Variants in ELP1 observed in about 807,000 individuals in gnomAD.
The protein encoded by ELP1 is elongator acetyltransferase complex subunit 1.
In ELP1, 131 loss-of-function variants were observed where a neutral mutation model predicts 183.2. The observed-to-expected ratio is 0.72, with a 90% CI of 0.62 to 0.83. ELP1 has a LOEUF of 0.83. Among genes scored for constraint, ELP1 ranks in the 40% least tolerant of loss-of-function variants. The probability of loss-of-function intolerance (pLI) is 0.00; values close to 1 mark genes in which losing one functional copy is unlikely to be tolerated. For synonymous variants in ELP1, 555 were observed against 569.0 expected, an observed-to-expected ratio of 0.98 and a Z score of 0.35; for missense variants, 1,550 against 1,594.9, an observed-to-expected ratio of 0.97 and a Z score of 0.48.
intron 31 of ELP1, among the ~76,000 whole-genome samples, chr9:108,881,192 C>T (rs1827916739): frequency 1.3e-5 from 2 of 152,178 alleles, no homozygotes; most frequent in African/African-American, 4.8e-5. Flanking sequence ...CACACATATA[C>T]CCTTTACTTT....
intron 29 of ELP1, among the ~76,000 whole-genome samples, chr9:108,888,794 G>A (rs1828218691): frequency 6.6e-6 from 1 of 152,222 alleles, no homozygotes; most frequent in African/African-American, 2.4e-5. Context: ...AATCCCTGGT[G>A]TCAACTGTGC....
chr9:108,920,468 G>A (rs575472555), intron 6 of ELP1, among the ~76,000 whole-genome samples: 62 of 152,174 alleles, frequency 4.1e-4, no homozygotes, highest in African/African-American at 1.2e-3. Flanking sequence ...TTTTAGTAGA[G>A]ATAGGATTTC....
chr9:108,908,286 A>G lies in ELP1; in HGVS notation c.1460+19T>C. 6.3e-7 allele frequency: 1 copy of G among 1,579,134 alleles called. No homozygotes were observed. Among genetic ancestry groups the G allele is most frequent in the Non-Finnish European group, 8.7e-7 (1 of 1,148,212 alleles). The stretch of plus-strand genomic sequence containing the variant: ...TGGCTGATTCTGTTCCCAGAAGCCC[A>G]AGATAATTAAGAACCTACTTGTATC... On this transcript the variant is annotated intron_variant, in intron 13 of 36. Coordinates refer to ENST00000374647, the MANE Select transcript of ELP1 (RefSeq NM_003640.5).
chr9:108,928,985 A>G (rs1829909174), intron 3 of ELP1, among the ~76,000 whole-genome samples: 1 of 152,236 alleles, frequency 6.6e-6, no homozygotes, highest in Non-Finnish European at 1.5e-5. Flanking sequence ...CTTCTGAAGA[A>G]TAGGAAACAA....
chr9:108,881,197 T>C (rs2185330), intron 31 of ELP1, among the ~76,000 whole-genome samples: 111,478 of 152,118 alleles, frequency 0.73, 41,445 homozygotes, highest in Non-Finnish European at 0.8. Context: ...ATATACCCTT[T>C]ACTTTGATTT....
In ELP1 at chr9:108,887,620, C is replaced by T. The variant is rs531775324; in HGVS notation, c.3222+1712G>A. ...GTCAAGCCTTGAGATGACTCTAGCC[C>T]TGGCCAATACCTTAATTGCAGCCTT... On this transcript the variant is annotated intron_variant, in intron 29 of 36. Transcript: ENST00000374647. 2.6e-5 allele frequency among the ~76,000 whole-genome samples: 4 copies of T among 152,278 alleles called. No homozygotes were observed. In the East Asian group the frequency reaches 7.7e-4, roughly 29 times the overall value.
intron 4 of ELP1, among the ~76,000 whole-genome samples, 195 bp from the exon 5 acceptor site, chr9:108,926,798 T>C (rs1470030036): frequency 1.3e-5 from 2 of 152,178 alleles, no homozygotes; most frequent in Admixed American, 1.3e-4. Flanking sequence ...AGTCACCTGG[T>C]GCTTATGCTC....
intron 28 of ELP1, among the ~76,000 whole-genome samples, chr9:108,889,876 A>G (rs1341867000): frequency 1.3e-5 from 2 of 152,228 alleles, no homozygotes; most frequent in East Asian, 1.9e-4. Flanking sequence ...TCCAGTGCAT[A>G]TATCACTAAA....
chr9:108,916,935 A>G (rs527679828), intron 9 of ELP1, among the ~76,000 whole-genome samples: 1 of 152,354 alleles, frequency 6.6e-6, no homozygotes, highest in South Asian at 2.1e-4. Flanking sequence ...TAAGATTTAA[A>G]TGTTATAAAT....
chr9:108,874,795 T>A (rs145650188), intron 36 of ELP1, 100 bp downstream of exon 36: 1 of 838,230 alleles, frequency 1.2e-6, no homozygotes, highest in East Asian at 2.5e-5. Context: ...TAGTGAAAAA[T>A]TGTATCCAAT....
chr9:108,901,697 A>G lies in ELP1; in HGVS notation c.1855-16T>C. ...GGACACATTCCTGCAAAGAAATAAA[A>G]CTGAAATCACAAGCAATTCTATCTC... On this transcript the variant is annotated splice_polypyrimidine_tract_variant and intron_variant, in intron 16 of 36. Coordinates refer to ENST00000374647, the MANE Select transcript of ELP1 (RefSeq NM_003640.5). 1 of 1,613,258 alleles carries G rather than the reference A, an allele frequency of 6.2e-7. No homozygotes were observed. The highest frequency in any genetic ancestry group is 8.5e-7 in the Non-Finnish European group (1 of 1,179,216).
chr9:108,900,422 C>G (rs1209927892), intron 18 of ELP1, 47 bp from the exon 19 acceptor site: 2 of 1,342,392 alleles, frequency 1.5e-6, no homozygotes, highest in Non-Finnish European at 2.1e-6. Flanking sequence ...CAACAAGCCA[C>G]TCTCCATTAA....
chr9:108,899,406 T>C (rs985529610), intron 20 of ELP1, among the ~76,000 whole-genome samples: 39 of 152,050 alleles, frequency 2.6e-4, no homozygotes, highest in African/African-American at 9.2e-4. Context: ...GTTCAGAAAA[T>C]CAGTCATTTC....
chr9:108,889,327 T>A lies in ELP1; in HGVS notation c.3222+5A>T. 6.2e-7 allele frequency: 1 copy of A among 1,613,738 alleles called. No individual in the cohort carries two copies. Among genetic ancestry groups the A allele is most frequent in the Non-Finnish European group, 8.5e-7 (1 of 1,179,700 alleles). Reference sequence around the variant, plus strand: ...GGGGGTTTAGAAGGGAGGAATTGAGTTTACCTGGGCACACTCTTCCAAAAC... The same window carrying A: ...GGGGGTTTAGAAGGGAGGAATTGAGATTACCTGGGCACACTCTTCCAAAAC... On this transcript the variant is annotated splice_donor_5th_base_variant and intron_variant, in intron 29 of 36. Coordinates refer to ENST00000374647, the MANE Select transcript of ELP1 (RefSeq NM_003640.5).
intron 12 of ELP1, among the ~76,000 whole-genome samples, chr9:108,909,463 A>C (rs1296902931): frequency 6.6e-6 from 1 of 152,160 alleles, no homozygotes; most frequent in Non-Finnish European, 1.5e-5. Context: ...CACACCACTC[A>C]AATGTCTACC....
Position 108,912,252 on chromosome 9 carries a change from C to G in ELP1, c.1189+12G>C. On this transcript the variant is annotated intron_variant, in intron 11 of 36. Coordinates refer to ENST00000374647, the MANE Select transcript of ELP1 (RefSeq NM_003640.5). Reference sequence around the variant, plus strand: ...CCTTGCAGGCTCATGGACACACTTCCCAGGAGCTTACTTCCATCAATGACA... The same window carrying G: ...CCTTGCAGGCTCATGGACACACTTCGCAGGAGCTTACTTCCATCAATGACA... The G allele has an allele frequency of 6.2e-7, 1 of 1,609,058 alleles. No individual in the cohort carries two copies. Among genetic ancestry groups the G allele is most frequent in the Non-Finnish European group, 8.5e-7 (1 of 1,175,354 alleles).
intron 5 of ELP1, among the ~76,000 whole-genome samples, chr9:108,926,245 C>T (rs1313474199): frequency 1.3e-5 from 2 of 152,172 alleles, no homozygotes; most frequent in Admixed American, 6.5e-5. Context: ...AGAAATACTA[C>T]CTTGTACAGT....
intron 31 of ELP1, 70 bp downstream of exon 31, chr9:108,881,635 G>C: frequency 1.1e-6 from 1 of 929,912 alleles, no homozygotes; most frequent in Admixed American, 1.7e-5. Context: ...GTAAATAGGA[G>C]GAGACTCTCT....
intron 29 of ELP1, among the ~76,000 whole-genome samples, chr9:108,887,828 C>T (rs568501642): frequency 6.6e-6 from 1 of 152,280 alleles, no homozygotes; most frequent in South Asian, 2.1e-4. Flanking sequence ...ATAGGAGTCA[C>T]TGAAGCACTC....
Sources: gnomAD v4.1 joint callset for allele counts (sites outside exome capture counted in the v4.1 genomes callset) on GRCh38, gnomAD v4.1.1 for gene constraint, MANE v1.5 for transcripts, NCBI Gene and HGNC (gene_info 2026-07-23, HGNC 2026-07-21) for gene names.